Variants in MGA observed in about 807,000 individuals in gnomAD.
MGA encodes the protein MAX dimerization protein MGA, also known as MAX gene-associated protein.
Under a neutral mutation model 261.1 loss-of-function variants are expected in MGA, and 40 were observed. That is an observed-to-expected ratio of 0.15 (90% CI 0.12 to 0.20). The LOEUF (loss-of-function observed/expected upper bound fraction) is 0.20. MGA is among the 10% of genes least tolerant of loss of function. The probability of loss-of-function intolerance (pLI) is 1.00; values close to 1 mark genes in which losing one functional copy is unlikely to be tolerated. For synonymous variants in MGA, 1,302 were observed against 1,290.6 expected, an observed-to-expected ratio of 1.01 and a Z score of -0.19; for missense variants, 3,397 against 3,630.5, an observed-to-expected ratio of 0.94 and a Z score of 1.65.
chr15:41,733,613 A>G (rs908532497), intron 11 of MGA, among the ~76,000 whole-genome samples: 1 of 152,196 alleles, frequency 6.6e-6, no homozygotes, highest in South Asian at 2.1e-4. Flanking sequence ...TTTGTTAATG[A>G]CAAAAACAAA....
intron 2 of MGA, among the ~76,000 whole-genome samples, chr15:41,671,640 T>A (rs1476842554): frequency 1.3e-5 from 2 of 152,166 alleles, no homozygotes; most frequent in Admixed American, 6.6e-5. Flanking sequence ...GAACTTGCCT[T>A]ATTTTGAGTT....
intron 1 of MGA, among the ~76,000 whole-genome samples, chr15:41,633,550 T>C (rs1227845343): frequency 6.6e-6 from 1 of 151,878 alleles, no homozygotes; most frequent in Non-Finnish European, 1.5e-5. Flanking sequence ...GGGGAAGAAA[T>C]CAAAATCTGA....
rs113951253 is a variant in MGA at position 41,641,060 on chromosome 15, T to A, written c.-68+19762T>A. Among the ~76,000 whole-genome samples the A allele has an allele frequency of 4.6e-3, 706 of 152,340 alleles. 7 individuals carry two copies. Among genetic ancestry groups the A allele is most frequent in the African/African-American group, 0.016 (668 of 41,576 alleles). ...TTCTATCTCTATGGATTGATCTGTT[T>A]TGGAACATTTCATATAAATGGAATC... On this transcript the variant is annotated intron_variant, in intron 1 of 8. Transcript: ENST00000566718.
intron 2 of MGA, among the ~76,000 whole-genome samples, chr15:41,682,809 T>C (rs947844190): frequency 1.2e-4 from 18 of 150,850 alleles, no homozygotes; most frequent in Middle Eastern, 3.4e-3. Context: ...GTCCTGTATC[T>C]TAAGCTGTCT....
chr15:41,719,729 T>C (rs2060837665), intron 9 of MGA, among the ~76,000 whole-genome samples: 1 of 151,834 alleles, frequency 6.6e-6, no homozygotes, highest in African/African-American at 2.4e-5. Flanking sequence ...GGTGACAGAG[T>C]GAGACCCTGT....
chr15:41,633,846 A>G (rs1207669683), intron 1 of MGA, among the ~76,000 whole-genome samples: 2 of 152,186 alleles, frequency 1.3e-5, no homozygotes, highest in Non-Finnish European at 2.9e-5. Context: ...TTCTGGCAAA[A>G]TAAAAGCTAA....
intron 2 of MGA, among the ~76,000 whole-genome samples, chr15:41,686,246 C>T (rs1434016519): frequency 6.6e-6 from 1 of 152,094 alleles, no homozygotes; most frequent in East Asian, 1.9e-4. Flanking sequence ...GGTGTGGTGG[C>T]TCACGCCTTT....
At chr15:41,712,390 A>G (rs2060430779) in intron 8 of MGA, among the ~76,000 whole-genome samples, 1 of 151,878 alleles carries the variant, frequency 6.6e-6, no homozygotes, top group South Asian at 2.1e-4. Flanking sequence ...TTTTTGTATT[A>G]TATTAAAAAT....
intron 19 of MGA, among the ~76,000 whole-genome samples, chr15:41,759,435 AAT>A (rs950006707): frequency 6.9e-6 from 1 of 145,340 alleles, no homozygotes; most frequent in South Asian, 2.2e-4. Context: ...TAAGCTTCTT[AAT>A]ATGTGTGTGT....
chr15:41,714,087 A>G (rs559407215), intron 9 of MGA, among the ~76,000 whole-genome samples: 10 of 152,152 alleles, frequency 6.6e-5, no homozygotes, highest in South Asian at 2.1e-4. Flanking sequence ...ATTTTGTTCA[A>G]ATGTATTGAA....
At chr15:41,755,500 A>G (rs1048500590) in intron 18 of MGA, among the ~76,000 whole-genome samples, 1 of 152,252 alleles carries the variant, frequency 6.6e-6, no homozygotes, top group Non-Finnish European at 1.5e-5. Flanking sequence ...AACAATGGCA[A>G]CAAACAAAAA....
intron 12 of MGA, among the ~76,000 whole-genome samples, chr15:41,735,702 C>T (rs572376684): frequency 3.6e-4 from 54 of 151,884 alleles, no homozygotes; most frequent in Admixed American, 1.6e-3. Context: ...CCTCTGCACT[C>T]CAGCCTGGCG....
rs1451034170 is a variant in MGA, at chr15:41,707,781, T to G, written c.2242T>G (p.Leu748Val). The G allele has an allele frequency of 1.9e-6, 3 of 1,613,574 alleles. No homozygotes were observed. The African/African-American group carries it at 4.0e-5, about 22-fold the overall frequency. ...AACAATGAGCATTGATCTTAAATAC[T>G]TGGGAGTACAGTTACCTTTGGCTCC... Residue 748 changes from leucine (L) to valine (V), a missense_variant, in exon 6 of 24, where the codon TTG becomes GTG. Coordinates refer to ENST00000219905, the MANE Select transcript of MGA (RefSeq NM_001164273.2).
In MGA at chr15:41,762,373, C is replaced by T. The variant is rs755204797; in HGVS notation, c.7744+11C>T. On this transcript the variant is annotated intron_variant, in intron 22 of 23. Transcript: ENST00000219905. ...AAGACCAGGCCACAGGTAGGAGGGA[C>T]ATTCTTCGCTTTCCTTAATGTAGAT... The T allele has an allele frequency of 4.4e-6, 7 of 1,592,918 alleles. No homozygotes were observed. Among genetic ancestry groups the T allele is most frequent in the South Asian group, 1.1e-5 (1 of 90,410 alleles).
intron 3 of MGA, among the ~76,000 whole-genome samples, chr15:41,698,248 A>C (rs1268801510): frequency 1.4e-5 from 2 of 140,432 alleles, no homozygotes; most frequent in Admixed American, 7.6e-5. Flanking sequence ...GGCTCACTGC[A>C]ACCTCTGTTT....
intron 15 of MGA, among the ~76,000 whole-genome samples, chr15:41,746,364 A>T (rs2062467840): frequency 6.6e-6 from 1 of 152,032 alleles, no homozygotes; most frequent in Admixed American, 6.6e-5. Context: ...AACATGGTGA[A>T]ACCCTGTCTC....
At position 41,696,805 on chromosome 15, in the gene MGA, G is replaced by A. The variant is rs191457035; in HGVS notation, c.1795G>A (p.Val599Ile). Residue 599 changes from valine (V) to isoleucine (I), a missense_variant, in exon 3 of 24, where the codon GTA becomes ATA. Val to Ile is a conservative substitution (Grantham distance 29). This residue lies in a region of MGA where 563 missense variants were observed against 563.6 expected (regional missense o/e 1.00). Coordinates refer to ENST00000219905, the MANE Select transcript of MGA (RefSeq NM_001164273.2). ...GCTTAAGATTGCAACAGCCGCAAAGGTAGTGAATGCTAATCAGAATGCCTC... is the reference window on the plus strand; with the variant it reads ...GCTTAAGATTGCAACAGCCGCAAAGATAGTGAATGCTAATCAGAATGCCTC... 901 of 1,603,042 alleles carry A rather than the reference G, an allele frequency of 5.6e-4. 6 individuals carry two copies. In the South Asian group the frequency reaches 8.3e-3, roughly 15 times the overall value.
chr15:41,627,163 A>C (rs954902316), intron 1 of MGA, among the ~76,000 whole-genome samples: 1 of 152,168 alleles, frequency 6.6e-6, no homozygotes, highest in East Asian at 1.9e-4. Context: ...TTGGCCTCCC[A>C]AACTGTTGGG....
chr15:41,678,397 A>T (rs1289551412), intron 2 of MGA, among the ~76,000 whole-genome samples: 1 of 147,230 alleles, frequency 6.8e-6, no homozygotes, highest in African/African-American at 2.5e-5. Flanking sequence ...GAGTGTTTTT[A>T]TTAGTGGTGT....
Sources: allele counts gnomAD v4.1 joint callset (sites outside exome capture counted in the v4.1 genomes callset), GRCh38; gene constraint gnomAD v4.1.1; regional missense constraint gnomAD v4.1.1; transcripts MANE v1.5; gene names NCBI Gene and HGNC (gene_info 2026-07-23, HGNC 2026-07-21).